PARVA: variants seen among roughly 807,000 people sequenced by gnomAD.
The protein encoded by PARVA is parvin alpha.
In PARVA, 25 loss-of-function variants were observed where a neutral mutation model predicts 52.6. The observed-to-expected ratio is 0.48, with a 90% CI of 0.35 to 0.66. The LOEUF (loss-of-function observed/expected upper bound fraction) is 0.66. Among genes scored for constraint, PARVA ranks in the 30% least tolerant of loss-of-function variants. The pLI, the probability that PARVA is intolerant of heterozygous loss-of-function variation, is 0.01. For synonymous variants in PARVA, 185 were observed against 179.1 expected (o/e 1.03, Z -0.26); for missense variants, 373 against 450.9 (o/e 0.83, Z 1.56).
chr11:12,423,136 G>C (rs1253561657), intron 1 of PARVA, among the ~76,000 whole-genome samples: 1 of 151,374 alleles, frequency 6.6e-6, no homozygotes, highest in African/African-American at 2.4e-5. Context: ...TTACAGGCGT[G>C]AGCCACCTCG....
In PARVA at chr11:12,478,379, T is replaced by C; in HGVS notation, c.400+430T>C. The C allele has an allele frequency of 9.6e-6, 3 of 311,716 alleles. No individual in the cohort carries two copies. The East Asian group carries it at 2.4e-4, about 25-fold the overall frequency. 19.3% of individuals were successfully genotyped at this position (311,716 alleles called of 1,614,324 possible). A position where few individuals can be genotyped will look rare whatever the true frequency, so the allele number is the denominator to read the frequency against. On this transcript the variant is annotated intron_variant, in intron 4 of 12. Coordinates refer to ENST00000334956, the MANE Select transcript of PARVA (RefSeq NM_018222.5). ...TGTTCCTCTGTCATCTGTGGACTTG[T>C]GTGTGTGTGTATTCCTCCCTGGGTC...
Position 12,473,785 on chromosome 11 carries a change from G to A in PARVA, c.177G>A (p.Leu59=), listed in dbSNP as rs1470668046. The A allele has an allele frequency of 1.3e-6, 2 of 1,570,634 alleles. No homozygotes were observed. Among genetic ancestry groups the A allele is most frequent in the Non-Finnish European group, 1.7e-6 (2 of 1,156,944 alleles). Residue 59 remains leucine, a synonymous_variant, in exon 2 of 13, where the codon CTG becomes CTA. Transcript: ENST00000334956. ...AGGAGGGAATGAACGCCATCAACCT[G>A]CCCCTCAGCCCAATTCCCTTTGAGC... ...LQEEGMNAIN[L]PLSPIPFELD...
At chr11:12,376,666 A>C (rs540184087), upstream of PARVA, 129 of 910,312 alleles carry the variant, frequency 1.4e-4, no homozygotes, top group South Asian at 5.1e-3. Context: ...CACAGTTGCC[A>C]AGGTGCTGTG....
intron 1 of PARVA, among the ~76,000 whole-genome samples, chr11:12,427,141 T>G (rs10734197): frequency 3.9e-5 from 6 of 152,174 alleles, no homozygotes. Flanking sequence ...TTAATTAATA[T>G]AGTAGAGCTA....
At chr11:12,399,576 G>T (rs1939796751) in intron 1 of PARVA, among the ~76,000 whole-genome samples, 2 of 152,194 alleles carry the variant, frequency 1.3e-5, no homozygotes, top group South Asian at 4.1e-4. Context: ...ACAGTTCCCA[G>T]GCTGATGCTG....
intron 6 of PARVA, among the ~76,000 whole-genome samples, chr11:12,506,455 C>G (rs189105424): frequency 1.4e-3 from 211 of 152,272 alleles, no homozygotes; most frequent in Non-Finnish European, 1.7e-3. Context: ...GAATAAACAG[C>G]CCTCTAACAG....
Position 12,511,593 on chromosome 11 carries a change from C to T in PARVA, c.736+60C>T, listed in dbSNP as rs113907233. 1.7e-3 allele frequency: 2,619 copies of T among 1,564,958 alleles called. 31 individuals are homozygous for T. The African/African-American group carries it at 0.018, about 11-fold the overall frequency. On this transcript the variant is annotated intron_variant, in intron 8 of 12. Transcript: ENST00000334956. ...GCTGCACTGGGGCTTTAGTTAATTC[C>T]GCAGCAGCTGGGAGGAACAGGCTCT...
chr11:12,499,933 G>A lies in PARVA; in HGVS notation c.541+3335G>A, dbSNP rs752104781. ...TATGTCACTTTTAATACTATATAATGTGACATTGTATGGATCTACCATAAT... is the reference window on the plus strand; with the variant it reads ...TATGTCACTTTTAATACTATATAATATGACATTGTATGGATCTACCATAAT... On this transcript the variant is annotated intron_variant, in intron 5 of 12. Transcript: ENST00000334956. Among the ~76,000 whole-genome samples, 38 of 152,104 alleles carry A rather than the reference G, an allele frequency of 2.5e-4. 1 individual carries two copies. The highest frequency in any genetic ancestry group is 3.5e-4 in the Non-Finnish European group (24 of 68,030).
intron 4 of PARVA, chr11:12,480,043 G>A (rs1046787304): frequency 3.9e-5 from 6 of 152,108 alleles, no homozygotes; most frequent in Non-Finnish European, 8.8e-5. Context: ...GGTCAACATG[G>A]TGAAACCCTG....
intron 1 of PARVA, among the ~76,000 whole-genome samples, chr11:12,397,035 G>C (rs895072683): frequency 8.6e-5 from 13 of 151,242 alleles, no homozygotes; most frequent in Admixed American, 2.0e-4. Flanking sequence ...GTGTTCAGCG[G>C]TTTATTCTTT....
chr11:12,445,881 A>G (rs573167080), intron 1 of PARVA, among the ~76,000 whole-genome samples: 2 of 152,318 alleles, frequency 1.3e-5, no homozygotes, highest in East Asian at 1.9e-4. Flanking sequence ...CTCAGAAAAT[A>G]TGGTCAGTGT....
chr11:12,529,868 A>G lies in PARVA; in HGVS notation c.*1943A>G, dbSNP rs1332975640. On this transcript the variant is annotated 3_prime_UTR_variant, in exon 13 of 13. Transcript: ENST00000334956. Reference sequence around the variant, plus strand: ...GAATACAATTCTTTTTTACATAATTAGTGAAATTTTATTTTTTATTAGGAA... The same window carrying G: ...GAATACAATTCTTTTTTACATAATTGGTGAAATTTTATTTTTTATTAGGAA... 6.6e-6 allele frequency: 1 copy of G among 152,234 alleles called. No homozygotes were observed. Among genetic ancestry groups the G allele is most frequent in the Non-Finnish European group, 1.5e-5 (1 of 68,048 alleles). The allele number at this position is 152,234 out of a possible 1,614,324, so 9.4% of individuals were successfully genotyped here.
chr11:12,432,995 G>A (rs1940336155), intron 1 of PARVA, among the ~76,000 whole-genome samples: 2 of 152,258 alleles, frequency 1.3e-5, no homozygotes, highest in African/African-American at 4.8e-5. Flanking sequence ...AAATTAAAAG[G>A]TATATTAAAT....
chr11:12,426,329 T>C (rs1484353152), intron 1 of PARVA, among the ~76,000 whole-genome samples: 2 of 151,850 alleles, frequency 1.3e-5, no homozygotes, highest in African/African-American at 2.4e-5. Flanking sequence ...GGCACTGAGG[T>C]GTGAAAGAGC....
chr11:12,442,563 A>T (rs889329247), intron 1 of PARVA, among the ~76,000 whole-genome samples: 4 of 152,128 alleles, frequency 2.6e-5, no homozygotes, highest in Non-Finnish European at 4.4e-5. Context: ...GAGGAGATGT[A>T]GGGCAGAAGT....
rs190286644 is a variant in PARVA at position 12,495,966 on chromosome 11, T to C, written c.401-492T>C. On this transcript the variant is annotated intron_variant, in intron 4 of 12. Coordinates refer to ENST00000334956, the MANE Select transcript of PARVA (RefSeq NM_018222.5). ...AATGTGAAAAATATGTGCCTTAGAA[T>C]TGATTAAATATGACACATTAAGTAA... Among the ~76,000 whole-genome samples the C allele has an allele frequency of 2.0e-5, 3 of 152,262 alleles. No individual in the cohort carries two copies. The East Asian group carries it at 5.8e-4, about 29-fold the overall frequency.
At chr11:12,438,313 G>T (rs1940417179) in intron 1 of PARVA, among the ~76,000 whole-genome samples, 1 of 151,388 alleles carries the variant, frequency 6.6e-6, no homozygotes. Context: ...GCTCATGGTT[G>T]TGGAGGCTAG....
At chr11:12,411,255 C>T (rs1939988497) in intron 1 of PARVA, among the ~76,000 whole-genome samples, 1 of 152,160 alleles carries the variant, frequency 6.6e-6, no homozygotes, top group Non-Finnish European at 1.5e-5. Flanking sequence ...ATGGTAAAAA[C>T]CACAATTACC....
intron 1 of PARVA, among the ~76,000 whole-genome samples, chr11:12,420,702 C>T (rs1940136197): frequency 6.6e-6 from 1 of 152,308 alleles, no homozygotes; most frequent in African/African-American, 2.4e-5. Context: ...ACATGCCAAA[C>T]ACTGTTCTAA....
Sources: gnomAD v4.1 joint callset for allele counts (sites outside exome capture counted in the v4.1 genomes callset) on GRCh38, gnomAD v4.1.1 for gene constraint, MANE v1.5 for transcripts, NCBI Gene and HGNC (gene_info 2026-07-23, HGNC 2026-07-21) for gene names.